YBX3: variants seen among roughly 807,000 people sequenced by gnomAD.
YBX3 encodes Y-box binding protein 3.
YBX3 carries 29 observed loss-of-function variants against 42.4 expected under a neutral mutation model. The observed-to-expected ratio is 0.68, with a 90% CI of 0.51 to 0.93. YBX3 has a LOEUF of 0.93. Among genes scored for constraint, YBX3 ranks in the 40% least tolerant of loss-of-function variants. The pLI, the probability that YBX3 is intolerant of heterozygous loss-of-function variation, is 0.00. For missense variants in YBX3, 517 were observed against 527.5 expected, an observed-to-expected ratio of 0.98 and a Z score of 0.19; for synonymous variants, 195 against 189.8, an observed-to-expected ratio of 1.03 and a Z score of -0.22.
intron 5 of YBX3, chr12:10,710,424 C>T (rs1415116594): frequency 7.8e-7 from 1 of 1,278,922 alleles, no homozygotes; most frequent in African/African-American, 1.5e-5. Context: ...AGAGTATCTG[C>T]AAGGTTTATA....
At chr12:10,717,983 T>C (rs767521397) in intron 3 of YBX3, 105 bp downstream of exon 3, 249 of 933,812 alleles carry the variant, frequency 2.7e-4, no homozygotes, top group Non-Finnish European at 3.6e-4. Flanking sequence ...AGAAAGAGTT[T>C]AGATTAAAAT....
chr12:10,714,942 G>C (rs1433948267), intron 4 of YBX3, among the ~76,000 whole-genome samples: 2 of 151,642 alleles, frequency 1.3e-5, no homozygotes, highest in African/African-American at 4.8e-5. Flanking sequence ...GTAGAGACGG[G>C]TTTCACCATG....
At chr12:10,708,398 CT>C (rs1328356338) in intron 6 of YBX3, among the ~76,000 whole-genome samples, 2 of 151,690 alleles carry the variant, frequency 1.3e-5, no homozygotes, top group Admixed American at 6.6e-5. Flanking sequence ...TATATTTGAT[CT>C]CAATAATTTT....
Sources: gnomAD v4.1 joint callset for allele counts (sites outside exome capture counted in the v4.1 genomes callset) on GRCh38, gnomAD v4.1.1 for gene constraint, MANE v1.5 for transcripts, NCBI Gene and HGNC (gene_info 2026-07-23, HGNC 2026-07-21) for gene names.